REC114: variants seen among roughly 807,000 people sequenced by gnomAD.
The protein encoded by REC114 is meiotic recombination protein REC114.
A neutral mutation model predicts 31.3 loss-of-function variants in REC114; 27 were observed. That is an observed-to-expected ratio of 0.86 (90% CI 0.64 to 1.19). The LOEUF (loss-of-function observed/expected upper bound fraction) is 1.19. Ranked by LOEUF, REC114 falls within the 50% of genes most tolerant of loss-of-function variation. The pLI is 0.00. For missense variants in REC114, 344 were observed against 326.9 expected (o/e 1.05, Z -0.40); for synonymous variants, 134 against 127.7 (o/e 1.05, Z -0.33).
At chr15:73,478,009 A>G (rs1240046971) in intron 2 of REC114, among the ~76,000 whole-genome samples, 2 of 152,046 alleles carry the variant, frequency 1.3e-5, no homozygotes, top group Non-Finnish European at 2.9e-5. Context: ...CACGCCTGTA[A>G]TCCCAGCACT....
chr15:73,530,125 G>A (rs2141324245), intron 2 of REC114, among the ~76,000 whole-genome samples: 1 of 152,254 alleles, frequency 6.6e-6, no homozygotes, highest in East Asian at 1.9e-4. Flanking sequence ...ATCTTAGTTT[G>A]AGCTATCTCA....
At chr15:73,548,944 A>G (rs1393660288) in intron 3 of REC114, among the ~76,000 whole-genome samples, 1 of 152,150 alleles carries the variant, frequency 6.6e-6, no homozygotes, top group Non-Finnish European at 1.5e-5. Context: ...ACCAAATACC[A>G]CAAGTTCTCA....
chr15:73,505,915 G>C (rs1414182530), intron 2 of REC114, among the ~76,000 whole-genome samples: 1 of 152,146 alleles, frequency 6.6e-6, no homozygotes, highest in Non-Finnish European at 1.5e-5. Flanking sequence ...GTGATGTCAT[G>C]CTCTTAGTTT....
At chr15:73,506,561 A>G (rs1473352399) in intron 2 of REC114, among the ~76,000 whole-genome samples, 2 of 152,252 alleles carry the variant, frequency 1.3e-5, no homozygotes, top group African/African-American at 2.4e-5. Flanking sequence ...ATTGTTAACT[A>G]TAAACAATGT....
chr15:73,477,346 T>C (rs1420835269), intron 2 of REC114, among the ~76,000 whole-genome samples: 2 of 152,200 alleles, frequency 1.3e-5, no homozygotes, highest in African/African-American at 4.8e-5. Context: ...AATTTTGAAG[T>C]TCAATATTTT....
At chr15:73,525,357 A>G (rs1385876105) in intron 2 of REC114, among the ~76,000 whole-genome samples, 1 of 151,686 alleles carries the variant, frequency 6.6e-6, no homozygotes. Context: ...TTTCTATTTC[A>G]TTTACCTAAG....
intron 2 of REC114, among the ~76,000 whole-genome samples, chr15:73,530,387 T>C (rs568672015): frequency 6.6e-6 from 1 of 152,228 alleles, no homozygotes; most frequent in Non-Finnish European, 1.5e-5. Context: ...TTTGCCTGGG[T>C]GTGGTGGCTT....
chr15:73,461,961 T>G (rs985599137), intron 1 of REC114, among the ~76,000 whole-genome samples: 6 of 146,792 alleles, frequency 4.1e-5, no homozygotes, highest in Non-Finnish European at 9.0e-5. Context: ...AGACAGAGTC[T>G]TACTCTGTCA....
chr15:73,536,506 C>G (rs1043075128), intron 2 of REC114, among the ~76,000 whole-genome samples: 1 of 152,136 alleles, frequency 6.6e-6, no homozygotes, highest in Admixed American at 6.5e-5. Flanking sequence ...GCACAGCATG[C>G]TATGAGAACA....
At chr15:73,465,377 G>A (rs530100068) in intron 1 of REC114, among the ~76,000 whole-genome samples, 1 of 152,248 alleles carries the variant, frequency 6.6e-6, no homozygotes, top group Admixed American at 6.5e-5. Context: ...GATTGCAACA[G>A]ACATCTGAAA....
intron 1 of REC114, among the ~76,000 whole-genome samples, chr15:73,460,992 G>A (rs1294021044): frequency 6.6e-6 from 1 of 152,068 alleles, no homozygotes; most frequent in East Asian, 1.9e-4. Flanking sequence ...ATAATTTCAT[G>A]ATCAATAATC....
chr15:73,520,560 A>G (rs1893923920), intron 2 of REC114, among the ~76,000 whole-genome samples: 1 of 152,142 alleles, frequency 6.6e-6, no homozygotes, highest in African/African-American at 2.4e-5. Context: ...TGGTGCACGT[A>G]TCCAAAGGCA....
intron 1 of REC114, among the ~76,000 whole-genome samples, chr15:73,462,835 AG>A (rs1161057973): frequency 6.8e-6 from 1 of 147,180 alleles, no homozygotes; most frequent in Admixed American, 6.8e-5. Flanking sequence ...CCCTGAGCCG[AG>A]ATCGTGCCAT....
At chr15:73,487,530 AAC>A (rs1315552114) in intron 2 of REC114, among the ~76,000 whole-genome samples, 2 of 152,276 alleles carry the variant, frequency 1.3e-5, no homozygotes, top group African/African-American at 4.8e-5. Context: ...TAATAAAGCA[AAC>A]ATTAAGTCTT....
At chr15:73,445,913 G>A (rs1892758429) in intron 1 of REC114, among the ~76,000 whole-genome samples, 1 of 152,212 alleles carries the variant, frequency 6.6e-6, no homozygotes, top group Non-Finnish European at 1.5e-5. Context: ...ACAGAGACAT[G>A]AAGTGAACAC....
At chr15:73,443,664 A>G (rs1298800944) in intron 1 of REC114, among the ~76,000 whole-genome samples, 1 of 152,214 alleles carries the variant, frequency 6.6e-6, no homozygotes, top group Non-Finnish European at 1.5e-5. Context: ...AGTGAGCAAG[A>G]TATAAACGCT....
rs574938068 is a variant in REC114, at chr15:73,552,315, C to T, written c.546+1165C>T. On this transcript the variant is annotated intron_variant, in intron 4 of 5. Coordinates refer to ENST00000331090, the MANE Select transcript of REC114 (RefSeq NM_001042367.2). Reference sequence around the variant, plus strand: ...TTCTTCATGTCTTCAACCAAAGCAGCACATTACAGCAAACTGAATGCAGCA... The same window carrying T: ...TTCTTCATGTCTTCAACCAAAGCAGTACATTACAGCAAACTGAATGCAGCA... 3.3e-5 allele frequency among the ~76,000 whole-genome samples: 5 copies of T among 152,282 alleles called. No homozygotes were observed. The East Asian group carries it at 9.6e-4, about 29-fold the overall frequency.
At position 73,452,466 on chromosome 15, in the gene REC114, G is replaced by T. The variant is rs539765771; in HGVS notation, c.159+9122G>T. ...CTCTTCAAGGAGAACTACAAACCAC[G>T]GCTCAAGGCAATAAGAGAGGACAAA... On this transcript the variant is annotated intron_variant, in intron 1 of 5. Transcript: ENST00000331090. 2.1e-4 allele frequency among the ~76,000 whole-genome samples: 32 copies of T among 152,152 alleles called. 2 individuals carry two copies. The South Asian group carries it at 6.4e-3, about 31-fold the overall frequency.
At chr15:73,555,081 C>T (rs1168604170) in intron 4 of REC114, among the ~76,000 whole-genome samples, 2 of 152,164 alleles carry the variant, frequency 1.3e-5, no homozygotes, top group Non-Finnish European at 2.9e-5. Flanking sequence ...GTACCTCCAC[C>T]CCTCTTTTTT....
Sources: gnomAD v4.1 joint callset for allele counts (sites outside exome capture counted in the v4.1 genomes callset) on GRCh38, gnomAD v4.1.1 for gene constraint, MANE v1.5 for transcripts, NCBI Gene and HGNC (gene_info 2026-07-23, HGNC 2026-07-21) for gene names.